Variants in FKBP5 observed in about 807,000 individuals in gnomAD.
The protein encoded by FKBP5 is peptidyl-prolyl cis-trans isomerase FKBP5.
Under a neutral mutation model 50.5 loss-of-function variants are expected in FKBP5, and 23 were observed. That is an observed-to-expected ratio of 0.46 (90% CI 0.33 to 0.65). The LOEUF (loss-of-function observed/expected upper bound fraction) is 0.65, where lower values mean the gene tolerates loss of function less well. FKBP5 is among the 30% of genes least tolerant of loss of function. FKBP5 has a pLI of 0.02. For missense variants in FKBP5, 411 were observed against 553.1 expected, an observed-to-expected ratio of 0.74 and a Z score of 2.58; for synonymous variants, 176 against 190.6, an observed-to-expected ratio of 0.92 and a Z score of 0.63.
chr6:35,612,154 G>A (rs935899119), intron 5 of FKBP5, among the ~76,000 whole-genome samples: 2 of 152,124 alleles, frequency 1.3e-5, no homozygotes, highest in Admixed American at 6.6e-5. Flanking sequence ...ACTTAGGGAG[G>A]CCAAGGTAGG....
At chr6:35,590,320 G>C (rs1017197070) in intron 7 of FKBP5, among the ~76,000 whole-genome samples, 1 of 151,858 alleles carries the variant, frequency 6.6e-6, no homozygotes, top group Non-Finnish European at 1.5e-5. Flanking sequence ...AAAGTTGAAT[G>C]TACAGAACGT....
chr6:35,666,414 A>AAAAAAG (rs1765222851), intron 1 of FKBP5, among the ~76,000 whole-genome samples: 1 of 147,684 alleles, frequency 6.8e-6, no homozygotes, highest in African/African-American at 2.5e-5. Context: ...AAAAAAAAAA[A>AAAAAAG]AAAAAGGAGG....
At chr6:35,598,842 G>A (rs1219599825) in intron 5 of FKBP5, among the ~76,000 whole-genome samples, 2 of 152,008 alleles carry the variant, frequency 1.3e-5, no homozygotes, top group Non-Finnish European at 2.9e-5. Context: ...GTGGTGGCAC[G>A]TGCCTGTAAT....
intron 2 of FKBP5, among the ~76,000 whole-genome samples, chr6:35,696,587 T>C (rs1766086077): frequency 6.6e-6 from 1 of 152,150 alleles, no homozygotes; most frequent in South Asian, 2.1e-4. Flanking sequence ...GATTAAGTAA[T>C]GTTAAGTAAG....
intron 1 of FKBP5, among the ~76,000 whole-genome samples, chr6:35,666,318 T>C (rs945174301): frequency 3.6e-5 from 5 of 138,946 alleles, no homozygotes; most frequent in Non-Finnish European, 7.6e-5. Flanking sequence ...CCCAGCAATA[T>C]CACTTCCAGG....
chr6:35,727,624 C>T lies in FKBP5; in HGVS notation c.-241+884G>A, dbSNP rs561370543. 7.9e-5 allele frequency among the ~76,000 whole-genome samples: 12 copies of T among 152,324 alleles called. No homozygotes were observed. The South Asian group carries it at 2.5e-3, about 32-fold the overall frequency. ...AAGGGGGGCTAGGAAAGGGGAGGCT[C>T]CTCCTGGGGATTGCTTGAATTGGCC... is the stretch of plus-strand genomic sequence containing the variant. On this transcript the variant is annotated intron_variant, in intron 1 of 11. Coordinates refer to the FKBP5 transcript ENST00000536438.
intron 3 of FKBP5, among the ~76,000 whole-genome samples, chr6:35,620,710 A>G (rs1021825229): frequency 2.6e-4 from 39 of 152,140 alleles, no homozygotes; most frequent in African/African-American, 9.2e-4. Context: ...AGTCATGATT[A>G]TGCCACTGCA....
chr6:35,592,281 G>A (rs1478016657), intron 6 of FKBP5, among the ~76,000 whole-genome samples: 1 of 152,132 alleles, frequency 6.6e-6, no homozygotes. Context: ...GGACTAGAGT[G>A]GGAACACTCA....
chr6:35,589,754 G>A (rs1164563982), intron 7 of FKBP5, among the ~76,000 whole-genome samples: 1 of 152,206 alleles, frequency 6.6e-6, no homozygotes, highest in Non-Finnish European at 1.5e-5. Flanking sequence ...CAACAGCATT[G>A]GGGGATCAGT....
chr6:35,591,096 T>C (rs1428843796), intron 7 of FKBP5, 34 bp downstream of exon 7: 1 of 1,390,234 alleles, frequency 7.2e-7, no homozygotes, highest in Non-Finnish European at 1.0e-6. Flanking sequence ...AGAAGAAACC[T>C]ACCATAATTT....
intron 3 of FKBP5, among the ~76,000 whole-genome samples, chr6:35,632,986 T>C (rs1278018244): frequency 2.0e-5 from 3 of 152,168 alleles, no homozygotes; most frequent in South Asian, 2.1e-4. Context: ...AGTGTAGGTA[T>C]AGCTTGAATT....
At chr6:35,619,364 C>CAA (rs75235862) in intron 4 of FKBP5, among the ~76,000 whole-genome samples, 154 bp from the exon 5 acceptor site, 2 of 130,836 alleles carry the variant, frequency 1.5e-5, no homozygotes, top group African/African-American at 2.8e-5. Flanking sequence ...GGAAAAGTAG[C>CAA]AAAAAAAAAA....
At position 35,649,855 on chromosome 6, in the gene FKBP5, C is replaced by T. The variant is rs115825224; in HGVS notation, c.-19-7012G>A. Among the ~76,000 whole-genome samples the T allele has an allele frequency of 3.8e-3, 574 of 152,190 alleles. 1 individual carries two copies. The highest frequency in any genetic ancestry group is 6.6e-3 in the South Asian group (32 of 4,818). On this transcript the variant is annotated intron_variant, in intron 1 of 10. Coordinates refer to ENST00000357266, the MANE Select transcript of FKBP5 (RefSeq NM_004117.4). ...CACTTAGTTCCAGCTAAATTTTAACCGTATGGCTAAATAAAAGTATTTCAA... is the reference window on the plus strand; with the variant it reads ...CACTTAGTTCCAGCTAAATTTTAACTGTATGGCTAAATAAAAGTATTTCAA...
Position 35,660,417 on chromosome 6 carries a change from C to T in FKBP5, c.-19-17574G>A, listed in dbSNP as rs577120459. On this transcript the variant is annotated intron_variant, in intron 1 of 10. Coordinates refer to ENST00000357266, the MANE Select transcript of FKBP5 (RefSeq NM_004117.4). The stretch of plus-strand genomic sequence containing the variant: ...CTGAGTAGCTGGGATTATAGGCATG[C>T]ACCACCACGCCCGGCTGATTTTGTA... Among the ~76,000 whole-genome samples the T allele has an allele frequency of 3.5e-3, 282 of 79,484 alleles. 91 individuals carry two copies. The highest frequency in any genetic ancestry group is 1.0e-2 in the African/African-American group (254 of 25,484). The allele number at this position is 79,484 out of a possible 152,430, so 52.1% of individuals were successfully genotyped here.
chr6:35,697,122 A>G (rs1401642852), intron 2 of FKBP5, among the ~76,000 whole-genome samples: 1 of 152,250 alleles, frequency 6.6e-6, no homozygotes, highest in Non-Finnish European at 1.5e-5. Context: ...TCAAACAGAT[A>G]CTTGGATACC....
intron 1 of FKBP5, among the ~76,000 whole-genome samples, chr6:35,726,834 A>C (rs571478122): frequency 2.0e-5 from 3 of 152,208 alleles, no homozygotes; most frequent in South Asian, 2.1e-4. Context: ...GATGAGTTGG[A>C]ATGGTGGTGG....
chr6:35,703,835 A>G (rs1459379497), intron 2 of FKBP5, among the ~76,000 whole-genome samples: 2 of 152,226 alleles, frequency 1.3e-5, no homozygotes, highest in African/African-American at 4.8e-5. Flanking sequence ...GTGGTTCCCC[A>G]GGGGTTGTAA....
chr6:35,616,540 C>T (rs1381553227), intron 5 of FKBP5, among the ~76,000 whole-genome samples: 1 of 151,876 alleles, frequency 6.6e-6, no homozygotes. Context: ...AGGGAACGCG[C>T]TATACTAGTT....
chr6:35,648,918 C>T (rs1486605233), intron 1 of FKBP5, among the ~76,000 whole-genome samples: 1 of 151,810 alleles, frequency 6.6e-6, no homozygotes, highest in African/African-American at 2.4e-5. Flanking sequence ...CATTGCACTC[C>T]AGCCTGGAGG....
Sources: allele counts gnomAD v4.1 joint callset (sites outside exome capture counted in the v4.1 genomes callset), GRCh38; gene constraint gnomAD v4.1.1; transcripts MANE v1.5; gene names NCBI Gene and HGNC (gene_info 2026-07-23, HGNC 2026-07-21).